Variants in STX8 observed in about 807,000 individuals in gnomAD.
STX8 encodes the protein syntaxin-8.
STX8 carries 23 observed loss-of-function variants against 37.5 expected under a neutral mutation model. That is an observed-to-expected ratio of 0.61 (90% CI 0.44 to 0.87). The LOEUF (loss-of-function observed/expected upper bound fraction) is 0.87. Ranked by LOEUF, STX8 falls within the 40% of genes least tolerant of loss-of-function variation. The pLI is 0.00. For missense variants in STX8, 313 were observed against 284.7 expected (o/e 1.10, Z -0.71); for synonymous variants, 115 against 99.1 (o/e 1.16, Z -0.95).
intron 6 of STX8, among the ~76,000 whole-genome samples, chr17:9,412,404 C>A (rs536301334): frequency 6.6e-6 from 1 of 151,894 alleles, no homozygotes; most frequent in Non-Finnish European, 1.5e-5. Flanking sequence ...CTCAGCCTCC[C>A]GAGTAGCTGG....
At chr17:9,462,377 A>T (rs1905425700) in intron 6 of STX8, among the ~76,000 whole-genome samples, 1 of 152,208 alleles carries the variant, frequency 6.6e-6, no homozygotes, top group African/African-American at 2.4e-5. Context: ...TTTGTGACTA[A>T]CCTGAGAAGA....
chr17:9,470,804 G>A (rs1905818131), intron 6 of STX8, among the ~76,000 whole-genome samples: 1 of 151,954 alleles, frequency 6.6e-6, no homozygotes, highest in Admixed American at 6.6e-5. Context: ...TCGGCTCACT[G>A]CAAGCTCCGC....
At chr17:9,383,941 A>G (rs907961499) in intron 6 of STX8, among the ~76,000 whole-genome samples, 1 of 152,112 alleles carries the variant, frequency 6.6e-6, no homozygotes, top group African/African-American at 2.4e-5. Flanking sequence ...ACTATAAAAC[A>G]TTGCTGGGAG....
chr17:9,256,904 G>A (rs776029579), intron 7 of STX8, among the ~76,000 whole-genome samples: 2 of 152,234 alleles, frequency 1.3e-5, no homozygotes, highest in Non-Finnish European at 2.9e-5. Flanking sequence ...CTAAGGAAAT[G>A]TTTGACATTT....
intron 4 of STX8, among the ~76,000 whole-genome samples, chr17:9,517,782 C>T (rs1482573980): frequency 1.8e-5 from 2 of 109,712 alleles, no homozygotes; most frequent in Non-Finnish European, 3.7e-5. Flanking sequence ...AGCAAGACCC[C>T]TATTGTAAAA....
chr17:9,558,747 C>A (rs1907088107), intron 2 of STX8, among the ~76,000 whole-genome samples: 1 of 151,880 alleles, frequency 6.6e-6, no homozygotes, highest in African/African-American at 2.4e-5. Context: ...GGCGTGAACC[C>A]TGGAGGCGGA....
Position 9,496,075 on chromosome 17 carries a change from CTTT to C in STX8, c.449-4157_449-4155del, listed in dbSNP as rs10556314. Reference sequence around the variant, plus strand: ...TACCATGCAGTTTCTTTTTCTTTCTCTTTTTTTTTTTTTTTTTGAGACAGAGTT... The same window carrying C: ...TACCATGCAGTTTCTTTTTCTTTCTCTTTTTTTTTTTTTTGAGACAGAGTT... On this transcript the variant is annotated intron_variant, in intron 5 of 7. Transcript: ENST00000306357. Among the ~76,000 whole-genome samples, 241 of 138,018 alleles carry C rather than the reference CTTT, an allele frequency of 1.7e-3. 1 individual carries two copies. Among genetic ancestry groups the C allele is most frequent in the African/African-American group, 4.2e-3 (157 of 37,650 alleles). 90.5% of individuals were successfully genotyped at this position (138,018 alleles called of 152,430 possible).
chr17:9,519,066 T>C (rs948104823), intron 4 of STX8, among the ~76,000 whole-genome samples: 1 of 151,946 alleles, frequency 6.6e-6, no homozygotes, highest in Non-Finnish European at 1.5e-5. Flanking sequence ...ACACAAATAG[T>C]TAAAAAGAAA....
At chr17:9,425,373 A>G (rs1913590341) in intron 6 of STX8, among the ~76,000 whole-genome samples, 3 of 152,190 alleles carry the variant, frequency 2.0e-5, no homozygotes, top group African/African-American at 4.8e-5. Context: ...CATATAATAC[A>G]TGATGATTTA....
intron 6 of STX8, among the ~76,000 whole-genome samples, chr17:9,401,191 C>G (rs528360066): frequency 1.3e-5 from 2 of 152,142 alleles, no homozygotes; most frequent in African/African-American, 2.4e-5. Flanking sequence ...GTATTTAAAT[C>G]TAAAAATAAT....
At chr17:9,543,418 T>C (rs139613267) in intron 4 of STX8, among the ~76,000 whole-genome samples, 1,684 of 151,894 alleles carry the variant, frequency 0.011, 34 homozygotes, top group African/African-American at 0.038. Flanking sequence ...CTCAGCCTCC[T>C]GAGTAGCTGG....
intron 4 of STX8, among the ~76,000 whole-genome samples, chr17:9,505,924 G>A (rs8081756): frequency 0.71 from 104,541 of 146,428 alleles, 37,479 homozygotes; most frequent in Middle Eastern, 0.86. Flanking sequence ...CCTGGGTAGC[G>A]GAGCAAGACT....
chr17:9,380,139 G>T (rs1195144879), intron 6 of STX8, among the ~76,000 whole-genome samples: 2 of 151,546 alleles, frequency 1.3e-5, no homozygotes, highest in Non-Finnish European at 2.9e-5. Context: ...AACCTATAGG[G>T]GTATATGTGG....
Position 9,505,070 on chromosome 17 carries a change from T to G in STX8, c.416A>C (p.Glu139Ala), listed in dbSNP as rs773293848. Residue 139 changes from glutamate to alanine, a missense_variant, in exon 5 of 8, where the codon GAA becomes GCA. Transcript: ENST00000306357. ...PEETRGLGFD[E>A]IRQQQQKIIQ... ...AATTTTCTGCTGCTGTTGCCGGATTTCATCAAAACCCAAGCCTCTGGTCTC... is the reference window on the plus strand; with the variant it reads ...AATTTTCTGCTGCTGTTGCCGGATTGCATCAAAACCCAAGCCTCTGGTCTC... 3.1e-6 allele frequency: 5 copies of G among 1,613,742 alleles called. No homozygotes were observed. The highest frequency in any genetic ancestry group is 2.5e-6 in the Non-Finnish European group (3 of 1,179,872).
At chr17:9,530,895 A>G (rs951193682) in intron 4 of STX8, among the ~76,000 whole-genome samples, 95 of 152,172 alleles carry the variant, frequency 6.2e-4, no homozygotes, top group African/African-American at 2.1e-3. Flanking sequence ...TGGCTATCCC[A>G]AGATCATAAA....
At chr17:9,529,048 C>T (rs1011741626) in intron 4 of STX8, among the ~76,000 whole-genome samples, 2 of 152,046 alleles carry the variant, frequency 1.3e-5, no homozygotes, top group African/African-American at 2.4e-5. Context: ...AAGAGGGAAA[C>T]CGTTACAGAA....
At chr17:9,493,185 C>T (rs1022637201) in intron 5 of STX8, among the ~76,000 whole-genome samples, 1 of 151,812 alleles carries the variant, frequency 6.6e-6, no homozygotes, top group Non-Finnish European at 1.5e-5. Flanking sequence ...ATTGGTTGAT[C>T]ATCCAGGAGT....
chr17:9,370,418 A>C (rs1047704163), intron 7 of STX8, among the ~76,000 whole-genome samples: 11 of 152,142 alleles, frequency 7.2e-5, no homozygotes, highest in African/African-American at 2.7e-4. Context: ...CCCAGGCTGT[A>C]AGTGGCAGAT....
At chr17:9,400,272 T>A (rs2142317265) in intron 6 of STX8, among the ~76,000 whole-genome samples, 1 of 151,380 alleles carries the variant, frequency 6.6e-6, no homozygotes, top group African/African-American at 2.4e-5. Context: ...TCAGCTAATT[T>A]TTTGTATTTT....
Sources: allele counts gnomAD v4.1 joint callset (sites outside exome capture counted in the v4.1 genomes callset), GRCh38; gene constraint gnomAD v4.1.1; transcripts MANE v1.5; gene names NCBI Gene and HGNC (gene_info 2026-07-23, HGNC 2026-07-21).